The following DROSHA variants were observed in gnomAD, a reference collection of about 807,000 sequenced individuals.
DROSHA encodes the protein drosha ribonuclease III.
In DROSHA, 56 loss-of-function variants were observed where a neutral mutation model predicts 181.9. The observed-to-expected ratio is 0.31, with a 90% CI of 0.25 to 0.38. DROSHA has a LOEUF of 0.38. Ranked by LOEUF, DROSHA falls within the 10% of genes least tolerant of loss-of-function variation. DROSHA has a pLI of 1.00. For synonymous variants in DROSHA, 524 were observed against 591.2 expected (o/e 0.89, Z 1.65); for missense variants, 1,218 against 1,743.5 (o/e 0.70, Z 5.37).
rs60001713 is a variant in DROSHA at position 31,446,446 on chromosome 5, C to CAAAAAAAAAAA, written c.2882+2090_2882+2100dup. 2.2e-3 allele frequency among the ~76,000 whole-genome samples: 131 copies of CAAAAAAAAAAA among 59,250 alleles called. 4 individuals carry two copies. Among genetic ancestry groups the CAAAAAAAAAAA allele is most frequent in the African/African-American group, 4.4e-3 (81 of 18,234 alleles). The allele number at this position is 59,250 out of a possible 152,430, so 38.9% of individuals were successfully genotyped here. On this transcript the variant is annotated intron_variant, in intron 23 of 35. Coordinates refer to ENST00000344624, the MANE Select transcript of DROSHA (RefSeq NM_001382508.1). ...TGGGCGACAGAGCGAGACTCTGTCT[C>CAAAAAAAAAAA]AAAAAAAAAAAAAAAAAAAAGATTC...
At chr5:31,524,457 C>T (rs2150062808) in intron 5 of DROSHA, among the ~76,000 whole-genome samples, 1 of 152,124 alleles carries the variant, frequency 6.6e-6, no homozygotes, top group African/African-American at 2.4e-5. Context: ...CACAAGACAA[C>T]GAAGGTAAGT....
At chr5:31,458,368 G>A (rs1200158955) in intron 20 of DROSHA, among the ~76,000 whole-genome samples, 1 of 152,182 alleles carries the variant, frequency 6.6e-6, no homozygotes, top group Admixed American at 6.5e-5. Flanking sequence ...GTATGTTATG[G>A]AATAAATCAA....
intron 16 of DROSHA, among the ~76,000 whole-genome samples, chr5:31,477,069 C>T (rs78466922): frequency 0.011 from 1,627 of 152,274 alleles, 17 homozygotes; most frequent in Non-Finnish European, 0.017. Flanking sequence ...AGCAGGAATT[C>T]CGCCAACTCT....
intron 33 of DROSHA, 106 bp downstream of exon 33, chr5:31,408,950 G>C: frequency 9.7e-7 from 1 of 1,027,268 alleles, no homozygotes; most frequent in Non-Finnish European, 1.4e-6. Context: ...TCAATCCTGG[G>C]CTCCTGTCAT....
chr5:31,454,078 A>G (rs1360225967), intron 20 of DROSHA, among the ~76,000 whole-genome samples: 1 of 152,194 alleles, frequency 6.6e-6, no homozygotes, highest in Non-Finnish European at 1.5e-5. Flanking sequence ...AGAAAGAGCT[A>G]TGTCTCAGCA....
chr5:31,471,006 T>C (rs955530525), intron 17 of DROSHA, among the ~76,000 whole-genome samples: 1 of 152,256 alleles, frequency 6.6e-6, no homozygotes, highest in Non-Finnish European at 1.5e-5. Flanking sequence ...ACTTTAATAA[T>C]TATGTGGCTT....
At chr5:31,489,729 C>T (rs1440151818) in intron 13 of DROSHA, among the ~76,000 whole-genome samples, 2 of 152,206 alleles carry the variant, frequency 1.3e-5, no homozygotes, top group Non-Finnish European at 2.9e-5. Flanking sequence ...TCTACTACTT[C>T]CACACACTGA....
intron 1 of DROSHA, 128 bp from the exon 2 acceptor site, chr5:31,531,653 AT>A (rs1400635315): frequency 1.3e-5 from 2 of 152,186 alleles, no homozygotes; most frequent in Non-Finnish European, 2.9e-5. Flanking sequence ...ATCCTGATCC[AT>A]AACTGCACAT....
At chr5:31,488,479 G>C (rs1752044425) in intron 13 of DROSHA, among the ~76,000 whole-genome samples, 1 of 150,908 alleles carries the variant, frequency 6.6e-6, no homozygotes, top group South Asian at 2.1e-4. Context: ...AGTTGAGGCA[G>C]AGCAGGTGTT....
Position 31,446,250 on chromosome 5 carries a change from C to T in DROSHA, c.2882+2297G>A, listed in dbSNP as rs116568929. ...TCACAAGGTCAGGACATCAAGACCA[C>T]CCTGGTTAACACAGTGAGACCCTGT... On this transcript the variant is annotated intron_variant, in intron 23 of 35. Coordinates refer to ENST00000344624, the MANE Select transcript of DROSHA (RefSeq NM_001382508.1). Among the ~76,000 whole-genome samples, 2,300 of 151,914 alleles carry T rather than the reference C, an allele frequency of 0.015. 143 individuals are homozygous for T. In the East Asian group the frequency reaches 0.22, roughly 15 times the overall value.
chr5:31,437,182 T>C (rs968249770), intron 24 of DROSHA, 57 bp downstream of exon 24: 4 of 1,497,546 alleles, frequency 2.7e-6, no homozygotes, highest in South Asian at 1.2e-5. Flanking sequence ...GTAATAAGTA[T>C]GTTACCTATA....
At chr5:31,510,592 A>G (rs993274516) in intron 9 of DROSHA, among the ~76,000 whole-genome samples, 3 of 152,248 alleles carry the variant, frequency 2.0e-5, no homozygotes, top group Middle Eastern at 3.2e-3. Context: ...CCACCTTATG[A>G]AAAAGCTATG....
chr5:31,420,765 T>C (rs544283623), intron 30 of DROSHA, among the ~76,000 whole-genome samples: 77 of 152,354 alleles, frequency 5.1e-4, no homozygotes, highest in African/African-American at 1.8e-3. Context: ...CATGAAGCCT[T>C]CTTTGAACTC....
At chr5:31,422,975 T>C in intron 28 of DROSHA, 31 bp from the exon 29 acceptor site, 1 of 1,471,030 alleles carries the variant, frequency 6.8e-7, no homozygotes, top group Non-Finnish European at 9.0e-7. Flanking sequence ...ATAAAAATCA[T>C]TTTTTCATTT....
At position 31,526,634 on chromosome 5, in the gene DROSHA, G is replaced by T; in HGVS notation, c.299C>A (p.Pro100Gln). 6.6e-7 allele frequency: 1 copy of T among 1,519,030 alleles called. No homozygotes were observed. The highest frequency in any genetic ancestry group is 8.8e-7 in the Non-Finnish European group (1 of 1,135,944). 94.1% of individuals were successfully genotyped at this position (1,519,030 alleles called of 1,614,324 possible). A position where few individuals can be genotyped will look rare whatever the true frequency, so the allele number is the denominator to read the frequency against. Residue 100 changes from proline to glutamine, a missense_variant, in exon 5 of 36, where the codon CCG becomes CAG. Physicochemically the swap from Pro to Gln is moderately conservative, Grantham distance 76. Coordinates refer to ENST00000344624, the MANE Select transcript of DROSHA (RefSeq NM_001382508.1). Reference sequence around the variant, plus strand: ...CCTCATCTGGTGGTTGGGGAAAGGCGGCCTGATTGGGCAGGGGGGAAGAGG... The same window carrying T: ...CCTCATCTGGTGGTTGGGGAAAGGCTGCCTGATTGGGCAGGGGGGAAGAGG... ...QGPLPPCPIR[P>Q]PFPNHQMRHP...
At chr5:31,489,894 T>C (rs200579939) in intron 13 of DROSHA, among the ~76,000 whole-genome samples, 1 of 29,598 alleles carries the variant, frequency 3.4e-5, no homozygotes, top group African/African-American at 5.8e-5. Context: ...TTTTCTTTTT[T>C]TGACGCGGAG....
At chr5:31,510,051 G>GAAAAAAAAAA (rs4049955) in intron 9 of DROSHA, among the ~76,000 whole-genome samples, 1 of 112,666 alleles carries the variant, frequency 8.9e-6, no homozygotes, top group East Asian at 2.1e-4. Context: ...ACCACAATTT[G>GAAAAAAAAAA]AAAAAAAAAA....
intron 20 of DROSHA, among the ~76,000 whole-genome samples, chr5:31,462,667 GAA>G (rs398108781): frequency 1.5e-5 from 2 of 132,822 alleles, no homozygotes; most frequent in African/African-American, 2.8e-5. Flanking sequence ...CAATGCTTCA[GAA>G]AAAAAAAAAA....
At chr5:31,493,942 T>TGC (rs1351561799) in intron 12 of DROSHA, among the ~76,000 whole-genome samples, 1 of 39,982 alleles carries the variant, frequency 2.5e-5, no homozygotes, top group Non-Finnish European at 1.2e-4. Context: ...CACCATTGTG[T>TGC]GTGTGTGTGT....
Sources: gnomAD v4.1 joint callset for allele counts (sites outside exome capture counted in the v4.1 genomes callset) on GRCh38, gnomAD v4.1.1 for gene constraint, MANE v1.5 for transcripts, NCBI Gene and HGNC (gene_info 2026-07-23, HGNC 2026-07-21) for gene names.